Variants in ADCY8 observed in about 807,000 individuals in gnomAD.
ADCY8 encodes the protein adenylate cyclase type 8.
ADCY8 carries 51 observed loss-of-function variants against 119.7 expected under a neutral mutation model. The observed-to-expected ratio is 0.43, with a 90% confidence interval of 0.34 to 0.54. The LOEUF is 0.54. ADCY8 is among the 20% of genes least tolerant of loss of function. The pLI is 0.03. For missense variants in ADCY8, 1,383 were observed against 1,598.8 expected, an observed-to-expected ratio of 0.87 and a Z score of 2.30; for synonymous variants, 665 against 651.0, an observed-to-expected ratio of 1.02 and a Z score of -0.33.
At chr8:131,001,868 C>T (rs1224105319) in intron 1 of ADCY8, among the ~76,000 whole-genome samples, 2 of 152,016 alleles carry the variant, frequency 1.3e-5, no homozygotes, top group African/African-American at 4.8e-5. Flanking sequence ...TTACAAAGAA[C>T]ATTTATGTCC....
chr8:130,867,482 C>T (rs949569871), intron 9 of ADCY8, among the ~76,000 whole-genome samples: 1 of 152,070 alleles, frequency 6.6e-6, no homozygotes, highest in Non-Finnish European at 1.5e-5. Flanking sequence ...TTTTGCGGAC[C>T]CAAGGAGCTA....
intron 1 of ADCY8, among the ~76,000 whole-genome samples, chr8:131,032,978 C>T (rs552340497): frequency 6.6e-6 from 1 of 152,264 alleles, no homozygotes; most frequent in African/African-American, 2.4e-5. Flanking sequence ...TCAATACTGC[C>T]ACTAATCTTC....
At chr8:130,855,496 A>C (rs990547529) in intron 9 of ADCY8, among the ~76,000 whole-genome samples, 1 of 151,950 alleles carries the variant, frequency 6.6e-6, no homozygotes, top group Non-Finnish European at 1.5e-5. Context: ...GAGACTCCTT[A>C]TGACTAGCTG....
At chr8:130,972,996 A>C (rs1254692625) in intron 2 of ADCY8, among the ~76,000 whole-genome samples, 1 of 152,164 alleles carries the variant, frequency 6.6e-6, no homozygotes, top group East Asian at 1.9e-4. Flanking sequence ...ATCCTTCTCC[A>C]CATTTATTTT....
intron 15 of ADCY8, among the ~76,000 whole-genome samples, chr8:130,787,476 G>A (rs1390460005): frequency 6.6e-6 from 1 of 152,022 alleles, no homozygotes; most frequent in African/African-American, 2.4e-5. Flanking sequence ...GCGTGTGGGT[G>A]TGGGTGTATA....
intron 2 of ADCY8, among the ~76,000 whole-genome samples, chr8:130,980,434 G>C (rs1290997106): frequency 2.0e-5 from 3 of 152,156 alleles, no homozygotes. Context: ...GGAACCAAAG[G>C]GTTGTTACAG....
intron 3 of ADCY8, chr8:130,949,361 A>G (rs145296379): frequency 1.2e-3 from 186 of 152,234 alleles, no homozygotes; most frequent in African/African-American, 4.3e-3. Context: ...CTCCATGGTG[A>G]CAGGTACTTT....
At chr8:130,887,953 G>A (rs1402490616) in intron 7 of ADCY8, among the ~76,000 whole-genome samples, 2 of 152,116 alleles carry the variant, frequency 1.3e-5, no homozygotes. Context: ...AGTCATTAGA[G>A]TCATACTGGA....
At chr8:130,837,400 A>G (rs1051744118) in intron 11 of ADCY8, among the ~76,000 whole-genome samples, 1 of 152,150 alleles carries the variant, frequency 6.6e-6, no homozygotes, top group Non-Finnish European at 1.5e-5. Context: ...CTTCTGGCAA[A>G]TGTCAGCTTA....
intron 11 of ADCY8, among the ~76,000 whole-genome samples, chr8:130,840,407 T>C (rs1019231666): frequency 6.9e-6 from 1 of 144,630 alleles, no homozygotes; most frequent in Non-Finnish European, 1.6e-5. Context: ...ATAAGAATAT[T>C]GATTAGGCAT....
chr8:130,861,594 C>T (rs1394847947), intron 9 of ADCY8, among the ~76,000 whole-genome samples: 1 of 152,044 alleles, frequency 6.6e-6, no homozygotes, highest in Admixed American at 6.6e-5. Flanking sequence ...TTGGGATTTT[C>T]TGTATAGAAA....
intron 17 of ADCY8, 28 bp from the exon 18 acceptor site, chr8:130,780,905 G>T (rs1352203438): frequency 1.9e-6 from 3 of 1,607,612 alleles, no homozygotes; most frequent in Non-Finnish European, 2.6e-6. Context: ...GGAGCAAGAA[G>T]TCAGAGGGAG....
intron 17 of ADCY8, among the ~76,000 whole-genome samples, chr8:130,781,690 C>A (rs1172782580): frequency 6.6e-6 from 1 of 152,122 alleles, no homozygotes; most frequent in Non-Finnish European, 1.5e-5. Flanking sequence ...TCCTGACTTT[C>A]CCCCTGCTTG....
intron 11 of ADCY8, among the ~76,000 whole-genome samples, chr8:130,836,706 C>T (rs1179455729): frequency 6.6e-6 from 1 of 152,132 alleles, no homozygotes; most frequent in Non-Finnish European, 1.5e-5. Flanking sequence ...TTCTTCCCTA[C>T]ACAGGCCATC....
At position 131,040,124 on chromosome 8, in the gene ADCY8, G is replaced by T. The variant is rs1385924589; in HGVS notation, c.210C>A (p.Asp70Glu). 12 of 1,531,770 alleles carry T rather than the reference G, an allele frequency of 7.8e-6. No homozygotes were observed. The highest frequency in any genetic ancestry group is 9.6e-6 in the Non-Finnish European group (11 of 1,145,298). 94.9% of individuals were successfully genotyped at this position (1,531,770 alleles called of 1,614,324 possible). Residue 70 changes from aspartate (D) to glutamate (E), a missense_variant, in exon 1 of 18, where the codon GAC becomes GAA. This residue lies in a region of ADCY8 where 455 missense variants were observed against 435.3 expected (regional missense o/e 1.05). Transcript: ENST00000286355. Reference protein sequence around the residue: ...SGSGGSGKASDPAGGGPNHHA... With the variant: ...SGSGGSGKASEPAGGGPNHHA... ...GGTGGTTGGGGCCGCCGCCCGCAGG[G>T]TCCGAGGCTTTGCCCGAGCCTCCAC...
At chr8:130,981,026 A>C (rs1822223716) in intron 2 of ADCY8, among the ~76,000 whole-genome samples, 1 of 152,188 alleles carries the variant, frequency 6.6e-6, no homozygotes, top group Non-Finnish European at 1.5e-5. Context: ...AAGAGGCAGT[A>C]ATGTTTGTTT....
chr8:130,849,659 C>G lies in ADCY8; in HGVS notation c.2355G>C (p.Arg785=). The G allele has an allele frequency of 6.2e-7, 1 of 1,614,050 alleles. No individual in the cohort carries two copies. Among genetic ancestry groups the G allele is most frequent in the Non-Finnish European group, 8.5e-7 (1 of 1,179,936 alleles). The change falls in exon 10 of 18, where the codon CGG becomes CGC. Residue 785 remains arginine, a synonymous_variant. Transcript: ENST00000286355. ...AAATGGATGCAAAGATGATGACGTT[C>G]CGGGCCAAATAGGTCTCATTAATCC... The part of the protein sequence containing the change: ...CCWINETYLA[R]NVIIFASILI...
intron 14 of ADCY8, 50 bp from the exon 15 acceptor site, chr8:130,800,622 T>G: frequency 3.1e-6 from 5 of 1,601,002 alleles, no homozygotes; most frequent in Non-Finnish European, 4.3e-6. Flanking sequence ...AGAGGTCGGT[T>G]CTGCAGTGAT....
At chr8:130,837,683 G>A (rs1362117613) in intron 11 of ADCY8, among the ~76,000 whole-genome samples, 1 of 152,140 alleles carries the variant, frequency 6.6e-6, no homozygotes, top group Non-Finnish European at 1.5e-5. Flanking sequence ...CATTCTGGAT[G>A]GTGGGTTCAG....
Sources: allele counts gnomAD v4.1 joint callset (sites outside exome capture counted in the v4.1 genomes callset), GRCh38; gene constraint gnomAD v4.1.1; regional missense constraint gnomAD v4.1.1; transcripts MANE v1.5; gene names NCBI Gene and HGNC (gene_info 2026-07-23, HGNC 2026-07-21).